The following LANCL3 variants were observed in gnomAD, a reference collection of about 807,000 sequenced individuals.
LANCL3 encodes lanC-like protein 3.
In LANCL3, 19 loss-of-function variants were observed where a neutral mutation model predicts 26.5. That is an observed-to-expected ratio of 0.72 (90% confidence interval 0.50 to 1.05). The LOEUF (loss-of-function observed/expected upper bound fraction) is 1.05, where lower values mean the gene tolerates loss of function less well. Ranked by LOEUF, LANCL3 falls within the 50% of genes least tolerant of loss-of-function variation. The pLI is 0.00. For synonymous variants in LANCL3, 160 were observed against 166.6 expected (o/e 0.96, Z 0.30); for missense variants, 318 against 362.7 (o/e 0.88, Z 1.00).
Position 37,667,378 on chromosome X carries a change from G to T in LANCL3, c.992G>T (p.Gly331Val), listed in dbSNP as rs1926569570. ...TGTGGGGAACTCACATGGCAGAAAG[G>T]CCTGCTAAAGAAGGGGCCTGGGATT... is the stretch of plus-strand genomic sequence containing the variant. ...IRCGELTWQK[G>V]LLKKGPGICH... The change falls in exon 4 of 5, where the codon GGC (glycine) becomes GTC (valine). Residue 331 changes from glycine to valine, a missense_variant. Coordinates refer to ENST00000378619, the MANE Select transcript of LANCL3 (RefSeq NM_001170331.2). 1.7e-6 allele frequency: 2 copies of T among 1,200,837 alleles called. No homozygotes were observed. The highest frequency in any genetic ancestry group is 2.4e-4 in the Middle Eastern group (1 of 4,241).
intron 4 of LANCL3, among the ~76,000 whole-genome samples, chrX:37,674,947 A>T (rs1178174443): frequency 2.7e-5 from 3 of 111,906 alleles, no homozygotes; most frequent in Non-Finnish European, 5.6e-5. Context: ...GAAGCTGTAA[A>T]CTACTGTAAA....
Position 37,675,698 on chromosome X carries a change from G to A in LANCL3, c.1148G>A (p.Arg383Gln), listed in dbSNP as rs373064138. The A allele has an allele frequency of 8.7e-7, 1 of 1,152,737 alleles. No individual in the cohort carries two copies. Among genetic ancestry groups the A allele is most frequent in the African/African-American group, 1.8e-5 (1 of 55,602 alleles). 95.0% of individuals were successfully genotyped at this position (1,152,737 alleles called of 1,213,427 possible). ...LFTEEFKAGS[R>Q]VLESIYSLYE... ...ACCGAGGAATTCAAGGCCGGTTCTC[G>A]GGTCCTTGAAAGTATATACAGCTTG... is the stretch of plus-strand genomic sequence containing the variant. Residue 383 changes from arginine (R) to glutamine (Q), a missense_variant, in exon 5 of 5, where the codon CGG becomes CAG. By Grantham distance (43) the Arg-to-Gln change is conservative (BLOSUM62 1). Transcript: ENST00000378619.
chrX:37,660,462 C>G (rs782235242), intron 3 of LANCL3, among the ~76,000 whole-genome samples: 3 of 111,501 alleles, frequency 2.7e-5, no homozygotes, highest in Non-Finnish European at 5.7e-5. Context: ...TTTAGCAAAC[C>G]CTATCTTTTT....
chrX:37,655,609 C>A, intron 1 of LANCL3, 79 bp from the exon 2 acceptor site: 1 of 892,248 alleles, frequency 1.1e-6, no homozygotes, highest in Non-Finnish European at 1.5e-6. Context: ...TGATGCTAGA[C>A]TTCTTAAGCA....
intron 1 of LANCL3, among the ~76,000 whole-genome samples, chrX:37,646,560 T>C (rs1925988572): frequency 8.9e-6 from 1 of 112,666 alleles, no homozygotes; most frequent in African/African-American, 3.2e-5. Flanking sequence ...CTTTTTAATT[T>C]GAAATAATTT....
intron 1 of LANCL3, among the ~76,000 whole-genome samples, chrX:37,630,740 T>G (rs1381917220): frequency 9.0e-6 from 1 of 111,027 alleles, no homozygotes; most frequent in African/African-American, 3.3e-5. Flanking sequence ...TCTGTTTACA[T>G]GCTGGATTAC....
In LANCL3 at chrX:37,683,255, G is replaced by C. The variant is rs1926981040; in HGVS notation, c.*7442G>C. The C allele has an allele frequency of 1.8e-5, 2 of 111,109 alleles. No homozygotes were observed. The highest frequency in any genetic ancestry group is 6.5e-5 in the African/African-American group (2 of 30,579). 9.2% of individuals were successfully genotyped at this position (111,109 alleles called of 1,213,427 possible). On this transcript the variant is annotated 3_prime_UTR_variant, in exon 5 of 5. Transcript: ENST00000378619. ...AGGGCAATTTCTTACTTATGAGGAG[G>C]TACAAAGAAATACTCTGTCAATATA... is the stretch of plus-strand genomic sequence containing the variant.
At chrX:37,619,876 T>C (rs781854619) in intron 1 of LANCL3, among the ~76,000 whole-genome samples, 1 of 112,176 alleles carries the variant, frequency 8.9e-6, no homozygotes, top group East Asian at 2.8e-4. Context: ...CTTATTTGCA[T>C]CATCAACTAT....
chrX:37,632,275 C>T (rs1569466722), intron 1 of LANCL3, among the ~76,000 whole-genome samples: 1 of 111,528 alleles, frequency 9.0e-6, no homozygotes, highest in African/African-American at 3.3e-5. Context: ...AGGATTGCAA[C>T]CCCTGCCTTT....
rs1278693933 is a variant in LANCL3, at chrX:37,591,732, G to T, written c.573+19289G>T. ...CAGTAATGAGCTCCAGCTGGTGGTG[G>T]GGGGGGTATGTACATTTTCAGGTAC... is the stretch of plus-strand genomic sequence containing the variant. On this transcript the variant is annotated intron_variant, in intron 1 of 4. Coordinates refer to ENST00000378619, the MANE Select transcript of LANCL3 (RefSeq NM_001170331.2). Among the ~76,000 whole-genome samples, 20 of 46,708 alleles carry T rather than the reference G, an allele frequency of 4.3e-4. 1 individual carries two copies. Among genetic ancestry groups the T allele is most frequent in the African/African-American group, 1.2e-3 (3 of 2,441 alleles). 40.6% of individuals were successfully genotyped at this position (46,708 alleles called of 115,157 possible).
At chrX:37,620,324 A>C (rs143734614) in intron 1 of LANCL3, among the ~76,000 whole-genome samples, 2 of 112,344 alleles carry the variant, frequency 1.8e-5, no homozygotes, top group African/African-American at 6.5e-5. Flanking sequence ...AGAGAAAGAA[A>C]GCCCAAGGCA....
intron 1 of LANCL3, among the ~76,000 whole-genome samples, chrX:37,573,534 ATG>A (rs1318154282): frequency 9.0e-6 from 1 of 111,704 alleles, no homozygotes; most frequent in African/African-American, 3.3e-5. Context: ...TTACTAAAGA[ATG>A]TGCACTGTGT....
chrX:37,642,079 C>G (rs929424492), intron 1 of LANCL3, among the ~76,000 whole-genome samples: 1 of 111,704 alleles, frequency 9.0e-6, no homozygotes, highest in African/African-American at 3.3e-5. Context: ...ACTCTTTGTC[C>G]CTGGGCTCTA....
chrX:37,585,395 G>T (rs1320964210), intron 1 of LANCL3, among the ~76,000 whole-genome samples: 1 of 111,338 alleles, frequency 9.0e-6, no homozygotes. Context: ...TGACAGTGGG[G>T]TGTTAAATTC....
At chrX:37,635,433 TCC>T (rs1925679568) in intron 1 of LANCL3, among the ~76,000 whole-genome samples, 1 of 111,649 alleles carries the variant, frequency 9.0e-6, no homozygotes, top group Non-Finnish European at 1.9e-5. Context: ...TCTAAACATT[TCC>T]CCACACACAA....
intron 1 of LANCL3, among the ~76,000 whole-genome samples, chrX:37,597,617 G>A (rs1924466755): frequency 9.5e-6 from 1 of 105,688 alleles, no homozygotes; most frequent in Non-Finnish European, 1.9e-5. Flanking sequence ...GGGCCCAAGT[G>A]ACCCTTCCAC....
intron 1 of LANCL3, among the ~76,000 whole-genome samples, chrX:37,574,995 G>A (rs1410726204): frequency 9.2e-6 from 1 of 108,787 alleles, no homozygotes; most frequent in Non-Finnish European, 1.9e-5. Flanking sequence ...GTGCAACCAT[G>A]GCTCACTGTA....
chrX:37,641,671 AG>A (rs1461856499), intron 1 of LANCL3, among the ~76,000 whole-genome samples: 1 of 111,909 alleles, frequency 8.9e-6, no homozygotes, highest in Non-Finnish European at 1.9e-5. Context: ...CCCATGTCAA[AG>A]AACATGGGAA....
At chrX:37,592,364 A>G (rs1924311209) in intron 1 of LANCL3, among the ~76,000 whole-genome samples, 1 of 112,595 alleles carries the variant, frequency 8.9e-6, no homozygotes, top group African/African-American at 3.2e-5. Flanking sequence ...TTTAGGATGA[A>G]ACTGTTAAAT....
Sources: gnomAD v4.1 joint callset for allele counts (sites outside exome capture counted in the v4.1 genomes callset) on GRCh38, gnomAD v4.1.1 for gene constraint, MANE v1.5 for transcripts, NCBI Gene and HGNC (gene_info 2026-07-23, HGNC 2026-07-21) for gene names.